The following HACD4 variants were observed in gnomAD, a reference collection of about 807,000 sequenced individuals.
HACD4 encodes very-long-chain (3R)-3-hydroxyacyl-CoA dehydratase 4.
HACD4 carries 35 observed loss-of-function variants against 33.3 expected under a neutral mutation model. The observed-to-expected ratio is 1.05, with a 90% CI of 0.80 to 1.39. The LOEUF (loss-of-function observed/expected upper bound fraction) is 1.39. Among genes scored for constraint, HACD4 ranks in the 40% most tolerant of loss-of-function variants. The probability of loss-of-function intolerance (pLI) is 0.00; values close to 1 mark genes in which losing one functional copy is unlikely to be tolerated. For synonymous variants in HACD4, 118 were observed against 98.0 expected (o/e 1.20, Z -1.21); for missense variants, 323 against 276.5 (o/e 1.17, Z -1.19).
intron 5 of HACD4, 56 bp downstream of exon 5, chr9:21,011,533 A>C: frequency 9.5e-7 from 1 of 1,057,432 alleles, no homozygotes; most frequent in South Asian, 1.3e-5. Context: ...TTAGTGAACC[A>C]TTATAACTAG....
intron 5 of HACD4, among the ~76,000 whole-genome samples, chr9:21,009,212 A>G (rs552038677): frequency 9.2e-5 from 14 of 152,208 alleles, no homozygotes; most frequent in Non-Finnish European, 1.9e-4. Context: ...ACTTTGGGAC[A>G]TCTAACATAT....
rs147041161 is a variant in HACD4 at position 21,030,456 on chromosome 9, AAAT to A, written c.39-1061_39-1059del. 9.4e-3 allele frequency among the ~76,000 whole-genome samples: 1,426 copies of A among 152,092 alleles called. 23 individuals carry two copies. The highest frequency in any genetic ancestry group is 0.032 in the African/African-American group (1,327 of 41,406). ...AACTCTGTTCTCAAAAATAAATAAA[AAAT>A]AAAAAACAAAACAACAACAACAACA... On this transcript the variant is annotated intron_variant, in intron 1 of 6. Coordinates refer to ENST00000495827, the MANE Select transcript of HACD4 (RefSeq NM_001010915.5).
intron 1 of HACD4, among the ~76,000 whole-genome samples, chr9:21,030,889 G>C (rs1177404827): frequency 6.6e-6 from 1 of 152,212 alleles, no homozygotes; most frequent in Non-Finnish European, 1.5e-5. Flanking sequence ...TGTTCCCTGG[G>C]AGTTCAGAAG....
chr9:21,024,480 C>A (rs560664955), intron 3 of HACD4, among the ~76,000 whole-genome samples: 10 of 152,244 alleles, frequency 6.6e-5, no homozygotes, highest in African/African-American at 2.4e-4. Flanking sequence ...AGATTTGGTT[C>A]TTTGATTACA....
chr9:21,009,166 A>G (rs1342119091), intron 5 of HACD4, among the ~76,000 whole-genome samples: 1 of 152,184 alleles, frequency 6.6e-6, no homozygotes, highest in Non-Finnish European at 1.5e-5. Context: ...AAAGTTATCG[A>G]AAGTTTAGTA....
chr9:21,022,929 T>A (rs1398721187), intron 3 of HACD4, among the ~76,000 whole-genome samples: 2 of 152,022 alleles, frequency 1.3e-5, no homozygotes, highest in Non-Finnish European at 2.9e-5. Flanking sequence ...GTATGTTTAT[T>A]GCGGCACTAT....
intron 2 of HACD4, among the ~76,000 whole-genome samples, chr9:21,028,180 AAAG>A (rs1818114735): frequency 6.6e-6 from 1 of 151,978 alleles, no homozygotes. Context: ...AAAAGAAAGA[AAAG>A]AAAAAGAAAT....
At chr9:21,010,697 G>A (rs564773823) in intron 5 of HACD4, among the ~76,000 whole-genome samples, 4 of 152,110 alleles carry the variant, frequency 2.6e-5, no homozygotes, top group South Asian at 2.1e-4. Flanking sequence ...TTATTACATT[G>A]TAAGAACAAA....
At position 21,011,630 on chromosome 9, in the gene HACD4, G is replaced by A. The variant is rs779483861; in HGVS notation, c.449C>T (p.Thr150Ile). ...SYAVLTWLSQTLWMPIYPLCV... is the reference protein window; with the variant it reads ...SYAVLTWLSQILWMPIYPLCV... ...CAAAGGATAAATTGGCATCCATAGT[G>A]TTTGACTGAGCCATGTCAAGACAGC... The change falls in exon 5 of 7, where the codon ACA becomes ATA. Residue 150 changes from threonine (T) to isoleucine (I), a missense_variant. Physicochemically the swap from Thr to Ile is moderately conservative, Grantham distance 89. Coordinates refer to ENST00000495827, the MANE Select transcript of HACD4 (RefSeq NM_001010915.5). The A allele has an allele frequency of 1.2e-6, 2 of 1,611,616 alleles. No homozygotes were observed. The highest frequency in any genetic ancestry group is 1.7e-6 in the Non-Finnish European group (2 of 1,178,014).
In HACD4 at chr9:21,004,559, G is replaced by A. The variant is rs1842224953; in HGVS notation, c.*2478C>T. ...CCACCATGTGAACATATAGCAAGAA[G>A]GCATTCATCTGCAAACCATGAAGAA... On this transcript the variant is annotated 3_prime_UTR_variant, in exon 7 of 7. Coordinates refer to ENST00000495827, the MANE Select transcript of HACD4 (RefSeq NM_001010915.5). This position sits in a 1 kb window ranked among gnomAD's most constrained non-coding sequence, Gnocchi z 4.6. The A allele has an allele frequency of 6.6e-6, 1 of 152,168 alleles. No individual in the cohort carries two copies. The highest frequency in any genetic ancestry group is 6.5e-5 in the Admixed American group (1 of 15,284). The allele number at this position is 152,168 out of a possible 1,614,324, so 9.4% of individuals were successfully genotyped here. A position where few individuals can be genotyped will look rare whatever the true frequency, so the allele number is the denominator to read the frequency against.
intron 3 of HACD4, among the ~76,000 whole-genome samples, chr9:21,016,255 G>T (rs186869902): frequency 6.6e-6 from 1 of 152,216 alleles, no homozygotes; most frequent in African/African-American, 2.4e-5. Flanking sequence ...TGTGAATCAG[G>T]ATATTTCCTT....
rs1587819422 is a variant in HACD4, at chr9:21,002,083, A to G, written c.*4954T>C. 1 of 152,282 alleles carries G rather than the reference A, an allele frequency of 6.6e-6. No homozygotes were observed. Among genetic ancestry groups the G allele is most frequent in the Admixed American group, 6.5e-5 (1 of 15,286 alleles). The allele number at this position is 152,282 out of a possible 1,614,324, so 9.4% of individuals were successfully genotyped here. Reference sequence around the variant, plus strand: ...GACACACAGTGTATATAATTTTGTGAAACTTAAAGGAGTGATAGACAGAGA... The same window carrying G: ...GACACACAGTGTATATAATTTTGTGGAACTTAAAGGAGTGATAGACAGAGA... On this transcript the variant is annotated 3_prime_UTR_variant, in exon 7 of 7. Transcript: ENST00000495827.
chr9:21,025,722 C>G (rs984888355), intron 3 of HACD4, among the ~76,000 whole-genome samples: 2 of 152,176 alleles, frequency 1.3e-5, no homozygotes, highest in Admixed American at 1.3e-4. Context: ...AATTTCCCAT[C>G]TTCCTTCAAC....
At chr9:21,020,027 A>T (rs1223759353) in intron 3 of HACD4, among the ~76,000 whole-genome samples, 1 of 151,952 alleles carries the variant, frequency 6.6e-6, no homozygotes, top group Non-Finnish European at 1.5e-5. Flanking sequence ...CTTTAGAGGG[A>T]TTTTTGACAA....
At chr9:21,020,404 C>T (rs1341023669) in intron 3 of HACD4, among the ~76,000 whole-genome samples, 1 of 152,158 alleles carries the variant, frequency 6.6e-6, no homozygotes, top group Non-Finnish European at 1.5e-5. Context: ...TTCCCCTCTT[C>T]TTGAGTTGAA....
chr9:21,022,942 A>G (rs1039915949), intron 3 of HACD4, among the ~76,000 whole-genome samples: 21 of 152,074 alleles, frequency 1.4e-4, no homozygotes, highest in African/African-American at 5.1e-4. Flanking sequence ...GGCACTATTC[A>G]CAATAGCAAA....
chr9:21,031,496 C>G, intron 1 of HACD4, 57 bp downstream of exon 1: 1 of 1,438,710 alleles, frequency 7.0e-7, no homozygotes, highest in Non-Finnish European at 9.1e-7. Context: ...GGGGAGCTCC[C>G]GCCTCCAGGC....
intron 4 of HACD4, chr9:21,015,580 C>G (rs1245331327): frequency 3.7e-5 from 7 of 189,478 alleles, no homozygotes; most frequent in Non-Finnish European, 6.4e-5. Context: ...CTTATTAAAG[C>G]AACCGTACTA....
chr9:21,030,284 A>C (rs2132808706), intron 1 of HACD4, among the ~76,000 whole-genome samples: 1 of 151,392 alleles, frequency 6.6e-6, no homozygotes, highest in East Asian at 1.9e-4. Flanking sequence ...AAAAAAAAAA[A>C]AAAGCCGGAT....
Sources: gnomAD v4.1 joint callset for allele counts (sites outside exome capture counted in the v4.1 genomes callset) on GRCh38, gnomAD v4.1.1 for gene constraint, Gnocchi (gnomAD v3.1) non-coding constraint, MANE v1.5 for transcripts, NCBI Gene and HGNC (gene_info 2026-07-23, HGNC 2026-07-21) for gene names.